Variants in TRERF1 observed in about 807,000 individuals in gnomAD.
The protein encoded by TRERF1 is transcriptional regulating factor 1, also known as transcriptional-regulating factor 1.
Under a neutral mutation model 122.9 loss-of-function variants are expected in TRERF1, and 27 were observed. That is an observed-to-expected ratio of 0.22 (90% CI 0.16 to 0.30). The LOEUF (loss-of-function observed/expected upper bound fraction) is 0.30. Ranked by LOEUF, TRERF1 falls within the 10% of genes least tolerant of loss-of-function variation. The pLI, the probability that TRERF1 is intolerant of heterozygous loss-of-function variation, is 1.00. For missense variants in TRERF1, 1,248 were observed against 1,560.3 expected (o/e 0.80, Z 3.37); for synonymous variants, 636 against 641.7 (o/e 0.99, Z 0.13).
Position 42,235,136 on chromosome 6 carries a change from C to T in TRERF1, c.3066+1069G>A, listed in dbSNP as rs376543894. On this transcript the variant is annotated intron_variant, in intron 16 of 17. Coordinates refer to ENST00000372922, the Ensembl canonical transcript of TRERF1. ...TAAATGCAAATCAAATGAATTTCTG[C>T]TTTAGGATCTAAATATTTTAAAGAC... 3.0e-4 allele frequency among the ~76,000 whole-genome samples: 46 copies of T among 151,778 alleles called. 3 individuals carry two copies. The East Asian group carries it at 4.4e-3, about 15-fold the overall frequency.
intron 2 of TRERF1, among the ~76,000 whole-genome samples, chr6:42,444,921 C>T (rs1392401373): frequency 6.6e-6 from 1 of 152,188 alleles, no homozygotes; most frequent in African/African-American, 2.4e-5. Flanking sequence ...GTGGTCCCAG[C>T]CAACCCTTCA....
intron 2 of TRERF1, among the ~76,000 whole-genome samples, 158 bp downstream of exon 2, chr6:42,451,004 GGGAAGAAGGGAAGAA>G: frequency 6.6e-6 from 1 of 152,172 alleles, no homozygotes; most frequent in Middle Eastern, 3.4e-3. Context: ...AGCCCGGAGA[GGGAAGAAGGGAAGAA>G]GGGAGAAGGC....
At chr6:42,442,101 A>T (rs1019280652) in intron 2 of TRERF1, among the ~76,000 whole-genome samples, 1 of 152,176 alleles carries the variant, frequency 6.6e-6, no homozygotes, top group Non-Finnish European at 1.5e-5. Flanking sequence ...TTAACAAAGA[A>T]AAGCGAACTC....
chr6:42,391,613 C>A (rs1013578716), intron 2 of TRERF1, among the ~76,000 whole-genome samples: 1 of 152,072 alleles, frequency 6.6e-6, no homozygotes, highest in East Asian at 1.9e-4. Flanking sequence ...CCTTTGAACA[C>A]GATCTCTAAG....
chr6:42,430,092 A>G (rs1784260822), intron 2 of TRERF1, among the ~76,000 whole-genome samples: 2 of 150,224 alleles, frequency 1.3e-5, no homozygotes, highest in East Asian at 2.0e-4. Flanking sequence ...TGAGGAGGAG[A>G]GCTGTAGAAA....
At chr6:42,366,460 C>T (rs952405357) in intron 2 of TRERF1, among the ~76,000 whole-genome samples, 5 of 152,238 alleles carry the variant, frequency 3.3e-5, no homozygotes, top group Admixed American at 2.0e-4. Context: ...CACCAGAGTC[C>T]GGCACCTCCT....
At chr6:42,450,989 T>A (rs1374114265) in intron 2 of TRERF1, among the ~76,000 whole-genome samples, 188 bp downstream of exon 2, 1 of 152,056 alleles carries the variant, frequency 6.6e-6, no homozygotes, top group Non-Finnish European at 1.5e-5. Context: ...GCTGGGATGC[T>A]GTGCAGCCCG....
Position 42,228,153 on chromosome 6 carries a change from ACC to A in TRERF1, c.*190_*191del. On this transcript the variant is annotated 3_prime_UTR_variant, in exon 18 of 18. Coordinates refer to ENST00000372922, the Ensembl canonical transcript of TRERF1. This position sits in a 1 kb window ranked among gnomAD's most constrained non-coding sequence, Gnocchi z 4.2. ...GTTGTGCCAATTATTTATTCCCCCA[ACC>A]CCCCACAAAAACAAATTTTTTTAAA... is the stretch of plus-strand genomic sequence containing the variant. 1 of 513,280 alleles carries A rather than the reference ACC, an allele frequency of 1.9e-6. No individual in the cohort carries two copies. Among genetic ancestry groups the A allele is most frequent in the Non-Finnish European group, 3.3e-6 (1 of 299,344 alleles). 31.8% of individuals were successfully genotyped at this position (513,280 alleles called of 1,614,324 possible).
At chr6:42,424,844 T>C (rs549701911) in intron 2 of TRERF1, among the ~76,000 whole-genome samples, 89 of 152,380 alleles carry the variant, frequency 5.8e-4, no homozygotes, top group African/African-American at 2.1e-3. Context: ...CTCATACCGT[T>C]GTCCATAATT....
rs549992844 is a variant in TRERF1 at position 42,256,733 on chromosome 6, C to T, written c.2575G>A (p.Val859Met). The T allele has an allele frequency of 4.3e-6, 7 of 1,613,988 alleles. No individual in the cohort carries two copies. In the African/African-American group the frequency reaches 9.3e-5, roughly 22 times the overall value. ...TCTTTTTCATGGTTCCTTACCATCA[C>T]ATCACCTTTGGCCTCAAACAGAGAG... Residue 859 changes from valine to methionine, a missense_variant, in exon 12 of 18, where the codon GTG (valine) becomes ATG (methionine). Val to Met is a conservative substitution (Grantham distance 21, BLOSUM62 1). This residue lies in a region of TRERF1 where 58 missense variants were observed against 132.5 expected (regional missense o/e 0.44). Coordinates refer to ENST00000372922, the Ensembl canonical transcript of TRERF1.
chr6:42,397,613 T>C (rs747920908), intron 2 of TRERF1, among the ~76,000 whole-genome samples: 3 of 152,116 alleles, frequency 2.0e-5, no homozygotes, highest in Non-Finnish European at 4.4e-5. Context: ...TCCTCGTTGT[T>C]TGTCTTTTCA....
intron 2 of TRERF1, among the ~76,000 whole-genome samples, chr6:42,433,593 G>A (rs564402759): frequency 1.5e-4 from 23 of 152,140 alleles, no homozygotes; most frequent in African/African-American, 3.1e-4. Context: ...CATTTTCCAC[G>A]GTAAAATGCC....
intron 15 of TRERF1, among the ~76,000 whole-genome samples, chr6:42,241,483 T>C (rs9471823): frequency 0.13 from 19,913 of 151,876 alleles, 1,953 homozygotes; most frequent in African/African-American, 0.27. Context: ...TTTTTTCAGA[T>C]GGAGTTTTGC....
At chr6:42,368,602 G>A (rs979193247) in intron 2 of TRERF1, among the ~76,000 whole-genome samples, 1 of 152,152 alleles carries the variant, frequency 6.6e-6, no homozygotes. Context: ...GACACTTCCA[G>A]TAATGTCTCA....
intron 2 of TRERF1, among the ~76,000 whole-genome samples, chr6:42,394,462 T>G (rs958562758): frequency 1.3e-5 from 2 of 152,186 alleles, no homozygotes; most frequent in Non-Finnish European, 2.9e-5. Flanking sequence ...GGACTGCAGA[T>G]GTACACATTC....
At chr6:42,415,914 T>C (rs1781767477) in intron 2 of TRERF1, among the ~76,000 whole-genome samples, 1 of 152,150 alleles carries the variant, frequency 6.6e-6, no homozygotes, top group African/African-American at 2.4e-5. Context: ...TTCACATGTA[T>C]AGGAAAAGTG....
rs75871196 is a variant in TRERF1 at position 42,336,143 on chromosome 6, G to C, written c.-371+26854C>G. ...CCACGAAGGCCTGTTTTGTGCTGCA[G>C]TATCCCCAGGGACTAGCAGGGTCAG... On this transcript the variant is annotated intron_variant, in intron 3 of 17. Coordinates refer to ENST00000372922, the Ensembl canonical transcript of TRERF1. 7.3e-3 allele frequency among the ~76,000 whole-genome samples: 1,111 copies of C among 152,344 alleles called. 13 individuals carry two copies. The highest frequency in any genetic ancestry group is 0.025 in the African/African-American group (1,040 of 41,566).
intron 2 of TRERF1, among the ~76,000 whole-genome samples, chr6:42,436,809 AAAAAAATAT>A (rs1335936133): frequency 6.0e-5 from 7 of 117,060 alleles, no homozygotes; most frequent in Admixed American, 2.8e-4. Flanking sequence ...ACAAAAAAAA[AAAAAAATAT>A]ATATATATAT....
Position 42,269,729 on chromosome 6 carries a change from G to C in TRERF1, c.-139C>G. The stretch of plus-strand genomic sequence containing the variant: ...CACGGCTGACATGTCTGTGAACGTG[G>C]CTGGAGCCAGGTGTTCCTGTTGGCC... On this transcript the variant is annotated 5_prime_UTR_variant, in exon 5 of 18. Coordinates refer to ENST00000372922, the Ensembl canonical transcript of TRERF1. This position sits in a 1 kb window ranked among gnomAD's most constrained non-coding sequence, Gnocchi z 4.9. 6.9e-7 allele frequency: 1 copy of C among 1,449,742 alleles called. No homozygotes were observed. The highest frequency in any genetic ancestry group is 9.0e-7 in the Non-Finnish European group (1 of 1,108,052). 89.8% of individuals were successfully genotyped at this position (1,449,742 alleles called of 1,614,324 possible).
Sources: allele counts gnomAD v4.1 joint callset (sites outside exome capture counted in the v4.1 genomes callset), GRCh38; gene constraint gnomAD v4.1.1; regional missense constraint gnomAD v4.1.1; non-coding constraint Gnocchi (gnomAD v3.1); transcripts MANE v1.5; gene names NCBI Gene and HGNC (gene_info 2026-07-23, HGNC 2026-07-21).